The following PKD1 variants were observed in gnomAD, a reference collection of about 807,000 sequenced individuals.
PKD1 encodes the protein polycystin 1, transient receptor potential channel interacting.
In PKD1, 81 loss-of-function variants were observed where a neutral mutation model predicts 361.7. The observed-to-expected ratio is 0.22, with a 90% CI of 0.19 to 0.27. The LOEUF is 0.27. PKD1 is among the 10% of genes least tolerant of loss of function. The pLI is 1.00. For synonymous variants in PKD1, 3,615 were observed against 2,818.3 expected (o/e 1.28, Z -8.95); for missense variants, 6,399 against 6,118.3 (o/e 1.05, Z -1.53).
rs1391623608 is a variant in PKD1, at chr16:2,100,683, C to T, written c.9398-117G>A. The T allele has an allele frequency of 2.4e-5, 19 of 800,450 alleles. No homozygotes were observed. The Admixed American group carries it at 3.3e-4, about 14-fold the overall frequency. 49.6% of individuals were successfully genotyped at this position (800,450 alleles called of 1,614,324 possible). On this transcript the variant is annotated intron_variant, in intron 26 of 45. Coordinates refer to ENST00000262304, the MANE Select transcript of PKD1 (RefSeq NM_001009944.3). This position sits in a 1 kb window ranked among gnomAD's most constrained non-coding sequence, Gnocchi z 4.4. ...ACTCAAGGAGCCACACAGGCAGTCC[C>T]GGCTTTGCACGGCTCTGCCATACAC... is the stretch of plus-strand genomic sequence containing the variant.
Position 2,090,161 on chromosome 16 carries a change from G to A in PKD1, c.12478C>T (p.Pro4160Ser), listed in dbSNP as rs370265127. The change falls in exon 46 of 46, where the codon CCG becomes TCG. Residue 4160 changes from proline to serine, a missense_variant. Transcript: ENST00000262304. ...RHKVRFEGMEPLPSRSSRGSK... is the reference protein window; with the variant it reads ...RHKVRFEGMESLPSRSSRGSK... Reference sequence around the variant, plus strand: ...CCCCTGGAGGAGCGAGAGGGCAGCGGCTCCATCCCTTCAAAGCGGACTTTG... The same window carrying A: ...CCCCTGGAGGAGCGAGAGGGCAGCGACTCCATCCCTTCAAAGCGGACTTTG... 7.5e-6 allele frequency: 12 copies of A among 1,598,294 alleles called. No individual in the cohort carries two copies. The highest frequency in any genetic ancestry group is 6.7e-5 in the African/African-American group (5 of 74,688).
chr16:2,090,624 G>C (rs773200714), intron 44 of PKD1, 34 bp from the exon 45 acceptor site: 1 of 1,608,704 alleles, frequency 6.2e-7, no homozygotes, highest in Non-Finnish European at 8.5e-7. Flanking sequence ...AGGGCGTACA[G>C]CTGAGCTGAG....
At position 2,091,921 on chromosome 16, in the gene PKD1, TGGCGTGGGTGCCGCACCCCAGCCCTTCC is replaced by T; in HGVS notation, c.11412-43_11412-16del. 1 of 1,611,440 alleles carries T rather than the reference TGGCGTGGGTGCCGCACCCCAGCCCTTCC, an allele frequency of 6.2e-7. No homozygotes were observed. The highest frequency in any genetic ancestry group is 8.5e-7 in the Non-Finnish European group (1 of 1,179,578). ...AGGACCATGCCCTGCCGGAGAGGGG[TGGCGTGGGTGCCGCACCCCAGCCCTTCC>T]GGCACCCCGGAGCCAGGCTGGTCAG... On this transcript the variant is annotated splice_polypyrimidine_tract_variant and intron_variant, in intron 40 of 45. Coordinates refer to ENST00000262304, the MANE Select transcript of PKD1 (RefSeq NM_001009944.3).
rs779759485 is a variant in PKD1, at chr16:2,089,456, C to T, written c.*271G>A. The T allele has an allele frequency of 1.9e-6, 1 of 537,220 alleles. No homozygotes were observed. The highest frequency in any genetic ancestry group is 3.3e-6 in the Non-Finnish European group (1 of 299,206). The allele number at this position is 537,220 out of a possible 1,614,324, so 33.3% of individuals were successfully genotyped here. A position where few individuals can be genotyped will look rare whatever the true frequency, so the allele number is the denominator to read the frequency against. The stretch of plus-strand genomic sequence containing the variant: ...GGGCACAGCCCGCTGTACCTGAGGA[C>T]TCGGGGAAATAAATTAGCATCTCAG... On this transcript the variant is annotated 3_prime_UTR_variant, in exon 46 of 46. Transcript: ENST00000262304.
chr16:2,135,253 C>CG (rs1343332018), intron 1 of PKD1: 1 of 985,068 alleles, frequency 1.0e-6, no homozygotes, highest in Non-Finnish European at 1.2e-6. Context: ...GCAGAGCCCC[C>CG]GGGTGGGACG....
chr16:2,094,286 C>T (rs1362453785), intron 34 of PKD1, 76 bp from the exon 35 acceptor site: 15 of 939,960 alleles, frequency 1.6e-5, no homozygotes, highest in Middle Eastern at 2.2e-4. Context: ...TTAACCTGGG[C>T]GGGCAGTTTC....
rs903949574 is a variant in PKD1, at chr16:2,099,868, C to A, written c.9916G>T (p.Ala3306Ser). The change falls in exon 29 of 46, where the codon GCC becomes TCC. Residue 3306 changes from alanine to serine, a missense_variant. By Grantham distance (99) the Ala-to-Ser change is moderately conservative. Transcript: ENST00000262304. ...GACCCCTACGGCACCCACCTGTAGGCAGAGTCGCCAACAGCCCCGTACCAC... is the reference window on the plus strand; with the variant it reads ...GACCCCTACGGCACCCACCTGTAGGAAGAGTCGCCAACAGCCCCGTACCAC... ...AVWYGAVGDS[A>S]YSTGHVSRLS... is the part of the protein sequence containing the mutation. 1 of 1,567,024 alleles carries A rather than the reference C, an allele frequency of 6.4e-7. No homozygotes were observed. Among genetic ancestry groups the A allele is most frequent in the East Asian group, 2.4e-5 (1 of 42,500 alleles).
intron 16 of PKD1, 25 bp downstream of exon 16, chr16:2,107,858 T>G (rs1418698437): frequency 1.9e-6 from 3 of 1,541,128 alleles, no homozygotes; most frequent in Admixed American, 2.0e-5. Context: ...CCAAGGCAAG[T>G]GGCCGAGGGG....
chr16:2,091,749 A>G (rs1567152743), intron 41 of PKD1, 32 bp downstream of exon 41: 1 of 1,606,912 alleles, frequency 6.2e-7, no homozygotes, highest in Non-Finnish European at 8.5e-7. Flanking sequence ...GACTGCGGCC[A>G]CCCCGGAGAG....
intron 30 of PKD1, chr16:2,099,347 G>C (rs374973646): frequency 6.9e-6 from 3 of 432,786 alleles, no homozygotes; most frequent in Non-Finnish European, 1.3e-5. Context: ...GTGCATTTCG[G>C]AAGCGTGCAC....
At position 2,093,627 on chromosome 16, in the gene PKD1, G is replaced by A. The variant is rs765277688; in HGVS notation, c.10933C>T (p.Arg3645Cys). The change falls in exon 37 of 46, where the codon CGC becomes TGC. Residue 3645 changes from arginine to cysteine, a missense_variant. Arg to Cys is a radical substitution (Grantham distance 180). Coordinates refer to ENST00000262304, the MANE Select transcript of PKD1 (RefSeq NM_001009944.3). ...AVTPVSARVP[R>C]VRPPHGFALF... ...GCAAAGCCGTGGGGTGGCCGTACGC[G>A]GGGCACACGTGCGCTCACAGGCGTC... 3.7e-5 allele frequency: 60 copies of A among 1,609,500 alleles called. No individual in the cohort carries two copies. The highest frequency in any genetic ancestry group is 1.8e-4 in the Admixed American group (11 of 59,634).
chr16:2,104,880 G>A (rs1447279130), intron 21 of PKD1, among the ~76,000 whole-genome samples: 1 of 111,318 alleles, frequency 9.0e-6, no homozygotes. Flanking sequence ...CTTCACATGA[G>A]AGCGGAGGAG....
intron 1 of PKD1, among the ~76,000 whole-genome samples, chr16:2,127,275 C>T (rs1415055646): frequency 3.9e-5 from 6 of 152,240 alleles, no homozygotes; most frequent in Non-Finnish European, 8.8e-5. Context: ...GGACGGTACT[C>T]GCGGCTCTGC....
Position 2,111,168 on chromosome 16 carries a change from G to A in PKD1, c.3999C>T (p.Gly1333=), listed in dbSNP as rs762183748. Reference sequence around the variant, plus strand: ...ACCCCCGCACGGTCGTGTTGGAGGAGCCATCCCCGAAGGTCCAGTCGAAGA... The same window carrying A: ...ACCCCCGCACGGTCGTGTTGGAGGAACCATCCCCGAAGGTCCAGTCGAAGA... The part of the protein sequence containing the change: ...HYLFDWTFGD[G]SSNTTVRGCP... Residue 1333 remains glycine, a synonymous_variant, in exon 15 of 46, where the codon GGC becomes GGT. Transcript: ENST00000262304. 3.7e-6 allele frequency: 6 copies of A among 1,611,192 alleles called. No homozygotes were observed. Among genetic ancestry groups the A allele is most frequent in the African/African-American group, 2.7e-5 (2 of 74,896 alleles).
rs1216515279 is a variant in PKD1, at chr16:2,106,359, G to A, written c.7489+39C>T. ...AGGGCTCCGTGACGTCACAGAGTCG[G>A]GGGATCCCGCTGCTCCCCCCACGCA... On this transcript the variant is annotated intron_variant, in intron 18 of 45. Transcript: ENST00000262304. The surrounding 1 kb of genome is among the most constrained non-coding windows in gnomAD (Gnocchi z 6.5). 6.2e-6 allele frequency: 10 copies of A among 1,600,802 alleles called. No homozygotes were observed. The highest frequency in any genetic ancestry group is 1.1e-5 in the South Asian group (1 of 90,032).
At chr16:2,132,551 G>T (rs2092898150) in intron 1 of PKD1, among the ~76,000 whole-genome samples, 1 of 135,954 alleles carries the variant, frequency 7.4e-6, no homozygotes, top group Non-Finnish European at 1.5e-5. Context: ...CTGCGGCCTG[G>T]AGACAAGAGC....
rs1221557733 is a variant in PKD1, at chr16:2,099,628, C to T, written c.10050+16G>A. 2 of 1,583,866 alleles carry T rather than the reference C, an allele frequency of 1.3e-6. No individual in the cohort carries two copies. Among genetic ancestry groups the T allele is most frequent in the South Asian group, 1.1e-5 (1 of 88,908 alleles). On this transcript the variant is annotated intron_variant, in intron 30 of 45. Coordinates refer to ENST00000262304, the MANE Select transcript of PKD1 (RefSeq NM_001009944.3). ...GCTCCATTCCCAGTACTCCCGGGTCCCCAGCCCCAGCCCACCTTGCTCCGG... is the reference window on the plus strand; with the variant it reads ...GCTCCATTCCCAGTACTCCCGGGTCTCCAGCCCCAGCCCACCTTGCTCCGG...
In PKD1 at chr16:2,091,014, G is replaced by A. The variant is rs1458770253; in HGVS notation, c.11873C>T (p.Ala3958Val). The stretch of plus-strand genomic sequence containing the variant: ...GAAACGGGTCCACTGGCGGTCAGCG[G>A]CACCCAGCTGGGCGAGGCGTACCAG... ...TALVRLAQLG[A>V]ADRQWTRFVR... The change falls in exon 43 of 46, where the codon GCC (alanine) becomes GTC (valine). Residue 3958 changes from alanine to valine, a missense_variant. Ala to Val is a moderately conservative substitution (Grantham distance 64). Coordinates refer to ENST00000262304, the MANE Select transcript of PKD1 (RefSeq NM_001009944.3). The A allele has an allele frequency of 6.5e-7, 1 of 1,533,266 alleles. No individual in the cohort carries two copies. The highest frequency in any genetic ancestry group is 8.7e-7 in the Non-Finnish European group (1 of 1,145,450). 95.0% of individuals were successfully genotyped at this position (1,533,266 alleles called of 1,614,324 possible). A position where few individuals can be genotyped will look rare whatever the true frequency, so the allele number is the denominator to read the frequency against.
chr16:2,099,849 T>A lies in PKD1; in HGVS notation c.9923+12A>T. 1 of 1,563,818 alleles carries A rather than the reference T, an allele frequency of 6.4e-7. No individual in the cohort carries two copies. The highest frequency in any genetic ancestry group is 1.2e-5 in the South Asian group (1 of 85,646). ...GGCAGGAAGAGGCTGCCCCGACCCC[T>A]ACGGCACCCACCTGTAGGCAGAGTC... On this transcript the variant is annotated intron_variant, in intron 29 of 45. Coordinates refer to ENST00000262304, the MANE Select transcript of PKD1 (RefSeq NM_001009944.3).
Sources: allele counts gnomAD v4.1 joint callset (sites outside exome capture counted in the v4.1 genomes callset), GRCh38; gene constraint gnomAD v4.1.1; non-coding constraint Gnocchi (gnomAD v3.1); transcripts MANE v1.5; gene names NCBI Gene and HGNC (gene_info 2026-07-23, HGNC 2026-07-21).